ATP13A1: variants seen among roughly 807,000 people sequenced by gnomAD.
ATP13A1 encodes endoplasmic reticulum transmembrane helix translocase.
A neutral mutation model predicts 134.8 loss-of-function variants in ATP13A1; 55 were observed. That is an observed-to-expected ratio of 0.41 (90% confidence interval 0.33 to 0.51). The LOEUF (loss-of-function observed/expected upper bound fraction) is 0.51. ATP13A1 is among the 20% of genes least tolerant of loss of function. The pLI, the probability that ATP13A1 is intolerant of heterozygous loss-of-function variation, is 0.29. For missense variants in ATP13A1, 1,389 were observed against 1,652.8 expected (o/e 0.84, Z 2.77); for synonymous variants, 775 against 725.1 (o/e 1.07, Z -1.10).
At chr19:19,651,529 C>T in intron 17 of ATP13A1, 160 bp downstream of exon 17, 1 of 535,212 alleles carries the variant, frequency 1.9e-6, no homozygotes, top group Non-Finnish European at 3.3e-6. Flanking sequence ...CGCTCACATG[C>T]TGTCCGAGGT....
intron 22 of ATP13A1, chr19:19,646,738 G>C (rs188879877): frequency 2.7e-6 from 1 of 367,490 alleles, no homozygotes; most frequent in African/African-American, 2.0e-5. Flanking sequence ...GTTCCTGGCC[G>C]CTGGCCCCCC....
Position 19,646,295 on chromosome 19 carries a change from T to A in ATP13A1, c.3158A>T (p.Tyr1053Phe). The A allele has an allele frequency of 6.2e-7, 1 of 1,613,702 alleles. No homozygotes were observed. Among genetic ancestry groups the A allele is most frequent in the Non-Finnish European group, 8.5e-7 (1 of 1,179,782 alleles). Reference sequence around the variant, plus strand: ...CTGGAGCATGACGGTGAGGATGGTGTACAGGTTGAAGATGTTGGGCAGGGG... The same window carrying A: ...CTGGAGCATGACGGTGAGGATGGTGAACAGGTTGAAGATGTTGGGCAGGGG... ...ERPLPNIFNL[Y>F]TILTVMLQFF... is the part of the protein sequence containing the mutation. Residue 1053 changes from tyrosine to phenylalanine, a missense_variant, in exon 23 of 26, where the codon TAC (tyrosine) becomes TTC (phenylalanine). Physicochemically the swap from Tyr to Phe is conservative, Grantham distance 22. Transcript: ENST00000357324.
Position 19,654,044 on chromosome 19 carries a change from C to T in ATP13A1, c.1914G>A (p.Ser638=), listed in dbSNP as rs759109277. The change falls in exon 14 of 26, where the codon TCG becomes TCA. Residue 638 remains serine, a synonymous_variant. Coordinates refer to ENST00000357324, the MANE Select transcript of ATP13A1 (RefSeq NM_020410.3). ...GGTCGGTGGAGCCCAGCTTCTCATACGAGGCAAGCACGGACATTCGCTTCA... is the reference window on the plus strand; with the variant it reads ...GGTCGGTGGAGCCCAGCTTCTCATATGAGGCAAGCACGGACATTCGCTTCA... ...SALKRMSVLA[S]YEKLGSTDLC... The T allele has an allele frequency of 3.1e-5, 49 of 1,597,218 alleles. No homozygotes were observed. The East Asian group carries it at 3.4e-4, about 11-fold the overall frequency.
chr19:19,659,776 C>T lies in ATP13A1; in HGVS notation c.502G>A (p.Glu168Lys), dbSNP rs370127887. The change falls in exon 3 of 26, where the codon GAG becomes AAG. Residue 168 changes from glutamate to lysine, a missense_variant. By Grantham distance (56) the Glu-to-Lys change is moderately conservative. This residue lies in a region of ATP13A1 where 293 missense variants were observed against 270.8 expected (regional missense o/e 1.08). Transcript: ENST00000357324. Reference sequence around the variant, plus strand: ...TTCTGGAATTCGAAGGACAGCACCTCAAGCCCGTCTTCGCCCTGCGGTAGA... The same window carrying T: ...TTCTGGAATTCGAAGGACAGCACCTTAAGCCCGTCTTCGCCCTGCGGTAGA... ...LHRNEGEDGL[E>K]VLSFEFQKIK... The T allele has an allele frequency of 4.3e-6, 7 of 1,613,742 alleles. No individual in the cohort carries two copies. Among genetic ancestry groups the T allele is most frequent in the Non-Finnish European group, 5.1e-6 (6 of 1,179,840 alleles).
rs2062038407 is a variant in ATP13A1, at chr19:19,653,633, A to G, written c.2100+151T>C. 6 of 738,778 alleles carry G rather than the reference A, an allele frequency of 8.1e-6. No homozygotes were observed. In the South Asian group the frequency reaches 9.1e-5, roughly 11 times the overall value. The allele number at this position is 738,778 out of a possible 1,614,324, so 45.8% of individuals were successfully genotyped here. The stretch of plus-strand genomic sequence containing the variant: ...CACAGCAGTGGACAGACTGAGTGCC[A>G]TTTGGAGTCTCCAAAGGTAGAAGCT... On this transcript the variant is annotated intron_variant, in intron 15 of 25. Coordinates refer to ENST00000357324, the MANE Select transcript of ATP13A1 (RefSeq NM_020410.3). This position sits in a 1 kb window ranked among gnomAD's most constrained non-coding sequence, Gnocchi z 4.2.
chr19:19,645,222 T>C lies in ATP13A1; in HGVS notation c.*200A>G. ...CTTTTTAAAATCTCAGATGCTGCTT[T>C]ATTTACCAAAGGTGCTGGCTTGGGG... is the stretch of plus-strand genomic sequence containing the variant. On this transcript the variant is annotated 3_prime_UTR_variant, in exon 26 of 26. Transcript: ENST00000357324. This position sits in a 1 kb window ranked among gnomAD's most constrained non-coding sequence, Gnocchi z 4.1. 1 of 616,368 alleles carries C rather than the reference T, an allele frequency of 1.6e-6. No homozygotes were observed. Among genetic ancestry groups the C allele is most frequent in the Non-Finnish European group, 2.9e-6 (1 of 347,554 alleles). 38.2% of individuals were successfully genotyped at this position (616,368 alleles called of 1,614,324 possible). A position where few individuals can be genotyped will look rare whatever the true frequency, so the allele number is the denominator to read the frequency against.
chr19:19,652,647 A>G lies in ATP13A1; in HGVS notation c.2174T>C (p.Leu725Pro). ...GATCACGGCCTTGGAGTCAGCCTTGAGCGGGCAGGAGACCACAATGAAGCC... is the reference window on the plus strand; with the variant it reads ...GATCACGGCCTTGGAGTCAGCCTTGGGCGGGCAGGAGACCACAATGAAGCC... ...FVGFIVVSCP[L>P]KADSKAVIRE... is the part of the protein sequence containing the mutation. The change falls in exon 16 of 26, where the codon CTC becomes CCC. Residue 725 changes from leucine (L) to proline (P), a missense_variant. Coordinates refer to ENST00000357324, the MANE Select transcript of ATP13A1 (RefSeq NM_020410.3). 6.2e-7 allele frequency: 1 copy of G among 1,608,538 alleles called. No individual in the cohort carries two copies. The highest frequency in any genetic ancestry group is 8.5e-7 in the Non-Finnish European group (1 of 1,177,868).
rs773408081 is a variant in ATP13A1, at chr19:19,656,819, A to G, written c.976+28T>C. The G allele has an allele frequency of 6.8e-6, 11 of 1,612,162 alleles. No individual in the cohort carries two copies. Among genetic ancestry groups the G allele is most frequent in the Middle Eastern group, 1.6e-4 (1 of 6,062 alleles). On this transcript the variant is annotated intron_variant, in intron 6 of 25. Transcript: ENST00000357324. This position sits in a 1 kb window ranked among gnomAD's most constrained non-coding sequence, Gnocchi z 4.6. ...CAGAGGCCCTGAGGCTGGGGCTCCC[A>G]CTGGGACTGAGCGGAACCCGGCCTC...
rs1036469140 is a variant in ATP13A1 at position 19,645,958 on chromosome 19, C to T, written c.3276G>A (p.Lys1092=). 10 of 1,613,054 alleles carry T rather than the reference C, an allele frequency of 6.2e-6. No individual in the cohort carries two copies. Among genetic ancestry groups the T allele is most frequent in the Middle Eastern group, 3.3e-4 (2 of 6,084 alleles). The change falls in exon 24 of 26, where the codon AAG becomes AAA. Residue 1092 remains lysine, a synonymous_variant. Coordinates refer to ENST00000357324, the MANE Select transcript of ATP13A1 (RefSeq NM_020410.3). This position sits in a 1 kb window ranked among gnomAD's most constrained non-coding sequence, Gnocchi z 4.1. ...TGTTGACCAGGCTTGGCTCAAACTC[C>T]TTGTACAAGTCCACGAACTGCTCCT... is the stretch of plus-strand genomic sequence containing the variant. ...EKQEQFVDLY[K]EFEPSLVNST...
In ATP13A1 at chr19:19,653,911, G is replaced by A. The variant is rs374146883; in HGVS notation, c.1990-17C>T. On this transcript the variant is annotated splice_polypyrimidine_tract_variant and intron_variant, in intron 14 of 25. Coordinates refer to ENST00000357324, the MANE Select transcript of ATP13A1 (RefSeq NM_020410.3). The surrounding 1 kb of genome is among the most constrained non-coding windows in gnomAD (Gnocchi z 4.2). ...CTGGGAGAACTGCAGGGAATGCAGG[G>A]GGATGTCACGGGCTGCCCCGCGCCC... The A allele has an allele frequency of 1.9e-5, 29 of 1,567,094 alleles. No individual in the cohort carries two copies. The African/African-American group carries it at 3.7e-4, about 20-fold the overall frequency.
At chr19:19,646,113 A>G in intron 23 of ATP13A1, 92 bp downstream of exon 23, 1 of 1,599,012 alleles carries the variant, frequency 6.3e-7, no homozygotes, top group African/African-American at 1.3e-5. Flanking sequence ...GACACCCTGG[A>G]CAACCCCCAG....
At chr19:19,660,063 G>A (rs1200462702) in intron 1 of ATP13A1, 76 bp from the exon 2 acceptor site, 7 of 1,285,858 alleles carry the variant, frequency 5.4e-6, no homozygotes, top group African/African-American at 1.5e-5. Context: ...GGAGGTTTTG[G>A]GTGCAGCAGC....
intron 1 of ATP13A1, among the ~76,000 whole-genome samples, chr19:19,662,886 A>G (rs564138584): frequency 1.3e-5 from 2 of 152,286 alleles, no homozygotes; most frequent in Admixed American, 6.5e-5. Flanking sequence ...AAACCAAGGT[A>G]GGAGACAGAT....
In ATP13A1 at chr19:19,659,967, C is replaced by G; in HGVS notation, c.417G>C (p.Ala139=). 6.3e-7 allele frequency: 1 copy of G among 1,576,986 alleles called. No homozygotes were observed. The highest frequency in any genetic ancestry group is 2.3e-5 in the East Asian group (1 of 43,298). Residue 139 remains alanine (A), a synonymous_variant, in exon 2 of 26, where the codon GCG becomes GCC. Coordinates refer to ENST00000357324, the MANE Select transcript of ATP13A1 (RefSeq NM_020410.3). The stretch of plus-strand genomic sequence containing the variant: ...GGGTTGGCACCACCTTCACAAAGGT[C>G]GCTTTGCTGGGGTCGTACTCCTGAC... ...TCTPEYDPSK[A]TFVKVVPTPN...
intron 19 of ATP13A1, among the ~76,000 whole-genome samples, chr19:19,649,072 A>G (rs2062007108): frequency 6.6e-6 from 1 of 151,994 alleles, no homozygotes; most frequent in African/African-American, 2.4e-5. Context: ...CAGTGAGCCC[A>G]GATCGTGCCA....
chr19:19,651,820 C>CTCA (rs2062026553), intron 16 of ATP13A1, 23 bp from the exon 17 acceptor site: 1 of 1,581,714 alleles, frequency 6.3e-7, no homozygotes. Context: ...GGGGCAGAGG[C>CTCA]TCAGCATGGC....
In ATP13A1 at chr19:19,659,942, G is replaced by A; in HGVS notation, c.442C>T (p.Pro148Ser). Residue 148 changes from proline to serine, a missense_variant, in exon 2 of 26, where the codon CCC becomes TCC. This residue lies in a region of ATP13A1 where 293 missense variants were observed against 270.8 expected (regional missense o/e 1.08). Coordinates refer to ENST00000357324, the MANE Select transcript of ATP13A1 (RefSeq NM_020410.3). ...ACGAGCTCCGTGGAGCCATTGTTGG[G>A]GGTTGGCACCACCTTCACAAAGGTC... The part of the protein sequence containing the change: ...KATFVKVVPT[P>S]NNGSTELVAL... 1.9e-6 allele frequency: 3 copies of A among 1,586,336 alleles called. No individual in the cohort carries two copies. Among genetic ancestry groups the A allele is most frequent in the Non-Finnish European group, 2.6e-6 (3 of 1,167,782 alleles).
In ATP13A1 at chr19:19,651,705, C is replaced by A. The variant is rs771828894; in HGVS notation, c.2319G>T (p.Gln773His). ...FIEKAHTLILQPPSEKGRQCE... is the reference protein window; with the variant it reads ...FIEKAHTLILHPPSEKGRQCE... Reference sequence around the variant, plus strand: ...GGGCCTCACCTTTCTCGGAGGGAGGCTGCAGGATCAGCGTGTGGGCCTTTT... The same window carrying A: ...GGGCCTCACCTTTCTCGGAGGGAGGATGCAGGATCAGCGTGTGGGCCTTTT... Residue 773 changes from glutamine to histidine, a missense_variant, in exon 17 of 26, where the codon CAG (glutamine) becomes CAT (histidine). Gln to His is a conservative substitution (Grantham distance 24). Coordinates refer to ENST00000357324, the MANE Select transcript of ATP13A1 (RefSeq NM_020410.3). 1 of 1,612,536 alleles carries A rather than the reference C, an allele frequency of 6.2e-7. No homozygotes were observed. Among genetic ancestry groups the A allele is most frequent in the Non-Finnish European group, 8.5e-7 (1 of 1,179,278 alleles).
Position 19,656,953 on chromosome 19 carries a change from C to T in ATP13A1, c.907-37G>A, listed in dbSNP as rs2062062826. 1 of 1,604,886 alleles carries T rather than the reference C, an allele frequency of 6.2e-7. No homozygotes were observed. On this transcript the variant is annotated intron_variant, in intron 5 of 25. Transcript: ENST00000357324. The surrounding 1 kb of genome is among the most constrained non-coding windows in gnomAD (Gnocchi z 4.6). ...ATGGGTGTCAGCACAGAAGCCGCAC[C>T]TGTGCTGCACCCCCAACCTGGGTCT...
Sources: gnomAD v4.1 joint callset for allele counts (sites outside exome capture counted in the v4.1 genomes callset) on GRCh38, gnomAD v4.1.1 for gene constraint, gnomAD v4.1.1 regional missense constraint, Gnocchi (gnomAD v3.1) non-coding constraint, MANE v1.5 for transcripts, NCBI Gene and HGNC (gene_info 2026-07-23, HGNC 2026-07-21) for gene names.